MTAP: variants seen among roughly 807,000 people sequenced by gnomAD.
MTAP encodes the protein S-methyl-5'-thioadenosine phosphorylase.
A neutral mutation model predicts 33.6 loss-of-function variants in MTAP; 33 were observed. The ratio of observed to expected loss-of-function variants is 0.98; its 90% CI spans 0.74 to 1.31. MTAP has a LOEUF of 1.31. Ranked by LOEUF, MTAP falls within the 40% of genes most tolerant of loss-of-function variation. MTAP has a pLI of 0.00. For missense variants in MTAP, 367 were observed against 360.0 expected (o/e 1.02, Z -0.16); for synonymous variants, 148 against 125.7 (o/e 1.18, Z -1.19).
downstream of MTAP, among the ~76,000 whole-genome samples, chr9:21,871,361 T>A (rs895023528): frequency 5.3e-5 from 8 of 152,168 alleles, no homozygotes; most frequent in African/African-American, 9.7e-5. Context: ...TTGTAAGTTG[T>A]CCCTCCACTT....
intron 5 of MTAP, among the ~76,000 whole-genome samples, chr9:21,838,455 G>A (rs1825162929): frequency 6.6e-6 from 1 of 152,238 alleles, no homozygotes; most frequent in African/African-American, 2.4e-5. Context: ...AAGACTGTGT[G>A]AGGGATGAGA....
chr9:21,914,878 T>C (rs941608057), intron 1 of MTAP, among the ~76,000 whole-genome samples: 1 of 151,724 alleles, frequency 6.6e-6, no homozygotes, highest in African/African-American at 2.4e-5. Context: ...AAATTGCCTA[T>C]TTTGGACATT....
chr9:21,906,188 A>C (rs1818473666), intron 1 of MTAP, among the ~76,000 whole-genome samples: 1 of 152,256 alleles, frequency 6.6e-6, no homozygotes. Context: ...TCCACGCACA[A>C]ATGTTAGCAG....
intron 1 of MTAP, among the ~76,000 whole-genome samples, chr9:21,884,779 G>A (rs1446254623): frequency 1.3e-5 from 2 of 152,250 alleles, no homozygotes; most frequent in East Asian, 3.9e-4. Flanking sequence ...ATCTCATTGA[G>A]GGTTAGGGTT....
chr9:21,840,813 A>G (rs532015164), intron 5 of MTAP, among the ~76,000 whole-genome samples: 3 of 152,266 alleles, frequency 2.0e-5, no homozygotes, highest in Non-Finnish European at 4.4e-5. Flanking sequence ...GCTGCTGCTG[A>G]TGGAGTGGGC....
Position 21,865,776 on chromosome 9 carries a change from A to G in MTAP, c.*3762A>G, listed in dbSNP as rs1443672587. 4.8e-6 allele frequency: 5 copies of G among 1,036,242 alleles called. No individual in the cohort carries two copies. Among genetic ancestry groups the G allele is most frequent in the Admixed American group, 4.3e-5 (1 of 23,178 alleles). 64.2% of individuals were successfully genotyped at this position (1,036,242 alleles called of 1,614,324 possible). A position where few individuals can be genotyped will look rare whatever the true frequency, so the allele number is the denominator to read the frequency against. ...TGAGGGGAATTTCTTCAGAAAGACA[A>G]TCTCGGCATGCATTATTTCTTTGTT... On this transcript the variant is annotated 3_prime_UTR_variant, in exon 8 of 8. Transcript: ENST00000644715.
chr9:21,828,180 T>G (rs758525551), intron 4 of MTAP, among the ~76,000 whole-genome samples: 10 of 151,024 alleles, frequency 6.6e-5, no homozygotes, highest in Admixed American at 2.6e-4. Context: ...ACTATTTTTC[T>G]GTTTATGAGA....
intron 1 of MTAP, among the ~76,000 whole-genome samples, chr9:21,906,238 G>A (rs192458586): frequency 5.1e-4 from 78 of 152,072 alleles, no homozygotes; most frequent in Middle Eastern, 3.4e-3. Context: ...TCCAAATAAG[G>A]ATAAGATGTC....
intron 1 of MTAP, among the ~76,000 whole-genome samples, chr9:21,899,581 C>A (rs887144938): frequency 2.0e-5 from 3 of 152,066 alleles, no homozygotes; most frequent in African/African-American, 7.2e-5. Context: ...GAACGGGAAG[C>A]AAGACACCTT....
intron 1 of MTAP, chr9:21,811,547 G>A (rs1824349013): frequency 2.9e-6 from 1 of 348,162 alleles, no homozygotes; most frequent in Non-Finnish European, 5.7e-6. Flanking sequence ...AGACATGGCT[G>A]TCATAGAACA....
At chr9:21,910,862 T>A (rs975631239) in intron 1 of MTAP, among the ~76,000 whole-genome samples, 2 of 152,130 alleles carry the variant, frequency 1.3e-5, no homozygotes, top group African/African-American at 2.4e-5. Context: ...CCCCAGCCTT[T>A]GGAAACCACA....
At chr9:21,834,232 C>T (rs1825045851) in intron 4 of MTAP, among the ~76,000 whole-genome samples, 2 of 152,212 alleles carry the variant, frequency 1.3e-5, no homozygotes, top group Non-Finnish European at 2.9e-5. Context: ...TGGGATTACT[C>T]CCGTTTAAGG....
Position 21,818,130 on chromosome 9 carries a change from C to G in MTAP, c.275C>G (p.Thr92Ser). ...GAGGGCTGTACACATGTCATAGTGACCACAGCTTGTGGCTCCTTGAGGGAG... is the reference window on the plus strand; with the variant it reads ...GAGGGCTGTACACATGTCATAGTGAGCACAGCTTGTGGCTCCTTGAGGGAG... ...KEEGCTHVIV[T>S]TACGSLREEI... is the part of the protein sequence containing the mutation. The change falls in exon 4 of 8, where the codon ACC (threonine) becomes AGC (serine). Residue 92 changes from threonine (T) to serine (S), a missense_variant. Coordinates refer to ENST00000644715, the MANE Select transcript of MTAP (RefSeq NM_002451.4). 5 of 1,613,948 alleles carry G rather than the reference C, an allele frequency of 3.1e-6. No homozygotes were observed. Among genetic ancestry groups the G allele is most frequent in the Non-Finnish European group, 4.2e-6 (5 of 1,179,954 alleles).
intron 2 of MTAP, 37 bp from the exon 3 acceptor site, chr9:21,816,677 A>G (rs771216982): frequency 1.9e-6 from 3 of 1,580,876 alleles, no homozygotes; most frequent in East Asian, 2.2e-5. Context: ...CTGTTTTTAA[A>G]TCACTGAGTT....
chr9:21,886,159 TAAG>T (rs1346755144), intron 1 of MTAP, among the ~76,000 whole-genome samples: 2 of 151,986 alleles, frequency 1.3e-5, no homozygotes, highest in Non-Finnish European at 2.9e-5. Context: ...CTTGCAGGAT[TAAG>T]GTCGTATCAC....
At chr9:21,903,855 G>A (rs1452161687) in intron 1 of MTAP, among the ~76,000 whole-genome samples, 1 of 152,188 alleles carries the variant, frequency 6.6e-6, no homozygotes, top group African/African-American at 2.4e-5. Flanking sequence ...GTTACAGGGT[G>A]CTCTTTTAGT....
At chr9:21,938,526 C>G (rs373447989), downstream of MTAP, among the ~76,000 whole-genome samples, 2 of 152,006 alleles carry the variant, frequency 1.3e-5, no homozygotes, top group African/African-American at 2.4e-5. Flanking sequence ...TGATGTTTAA[C>G]CTTCTTATGT....
intron 1 of MTAP, among the ~76,000 whole-genome samples, chr9:21,886,463 C>A (rs892904321): frequency 1.3e-5 from 2 of 152,032 alleles, no homozygotes; most frequent in Non-Finnish European, 2.9e-5. Flanking sequence ...TTGTTAAGTA[C>A]CATCTATTTA....
At chr9:21,883,912 G>A (rs1255672750) in intron 1 of MTAP, among the ~76,000 whole-genome samples, 1 of 152,056 alleles carries the variant, frequency 6.6e-6, no homozygotes, top group Non-Finnish European at 1.5e-5. Context: ...GTGCCACAGG[G>A]GGCTGTTGTG....
Sources: gnomAD v4.1 joint callset for allele counts (sites outside exome capture counted in the v4.1 genomes callset) on GRCh38, gnomAD v4.1.1 for gene constraint, MANE v1.5 for transcripts, NCBI Gene and HGNC (gene_info 2026-07-23, HGNC 2026-07-21) for gene names.